Variants in PI4K2A observed in about 807,000 individuals in gnomAD.
PI4K2A encodes the protein phosphatidylinositol 4-kinase type 2-alpha.
In PI4K2A, 20 loss-of-function variants were observed where a neutral mutation model predicts 55.0. That is an observed-to-expected ratio of 0.36 (90% CI 0.26 to 0.53). The LOEUF (loss-of-function observed/expected upper bound fraction) is 0.53, where lower values mean the gene tolerates loss of function less well. Ranked by LOEUF, PI4K2A falls within the 20% of genes least tolerant of loss-of-function variation. The pLI is 0.91. For synonymous variants in PI4K2A, 235 were observed against 258.5 expected (o/e 0.91, Z 0.87); for missense variants, 463 against 637.1 (o/e 0.73, Z 2.94).
At chr10:97,675,058 C>T (rs2041655853) in exon 9 of PI4K2A, 2 of 152,878 alleles carry the variant, frequency 1.3e-5, no homozygotes, top group Non-Finnish European at 2.9e-5. Flanking sequence ...AGTACGGCCT[C>T]AGGAGGGAGT....
intron 8 of PI4K2A, among the ~76,000 whole-genome samples, chr10:97,669,330 G>C (rs752384789): frequency 3.3e-5 from 5 of 152,208 alleles, no homozygotes; most frequent in Non-Finnish European, 7.3e-5. Flanking sequence ...TCAGCATAAA[G>C]GAGTAAACTG....
intron 2 of PI4K2A, among the ~76,000 whole-genome samples, chr10:97,652,519 T>G (rs2041534424): frequency 6.6e-6 from 1 of 152,106 alleles, no homozygotes; most frequent in African/African-American, 2.4e-5. Context: ...CAGGCTGGTC[T>G]TGAACTCCTG....
intron 1 of PI4K2A, among the ~76,000 whole-genome samples, chr10:97,642,974 C>G (rs997535428): frequency 6.8e-6 from 1 of 147,716 alleles, no homozygotes; most frequent in Non-Finnish European, 1.5e-5. Context: ...TTCTTTCTTT[C>G]ATTCATTCTC....
intron 1 of PI4K2A, among the ~76,000 whole-genome samples, chr10:97,643,007 C>G (rs2135751305): frequency 6.7e-6 from 1 of 149,304 alleles, no homozygotes; most frequent in South Asian, 2.1e-4. Context: ...TTCTTTCTTT[C>G]AGAGAAGGTC....
chr10:97,641,230 T>A, intron 1 of PI4K2A, 53 bp downstream of exon 1: 1 of 1,335,282 alleles, frequency 7.5e-7, no homozygotes, highest in Non-Finnish European at 1.0e-6. Flanking sequence ...GCGGCGCTCC[T>A]GGGGAGTTGG....
chr10:97,670,397 C>G (rs1243670678), intron 8 of PI4K2A, among the ~76,000 whole-genome samples: 11 of 152,076 alleles, frequency 7.2e-5, no homozygotes, highest in Non-Finnish European at 1.5e-5. Context: ...CTTCTAGATT[C>G]TTCAGTTGTT....
intron 8 of PI4K2A, among the ~76,000 whole-genome samples, chr10:97,668,920 C>T (rs2041622635): frequency 6.6e-6 from 1 of 151,974 alleles, no homozygotes; most frequent in Admixed American, 6.6e-5. Context: ...GGCTGGAGTG[C>T]AGTGGTGCGA....
intron 1 of PI4K2A, among the ~76,000 whole-genome samples, chr10:97,646,905 G>C (rs2041507804): frequency 6.6e-6 from 1 of 151,960 alleles, no homozygotes; most frequent in African/African-American, 2.4e-5. Flanking sequence ...CTCCTGAGTA[G>C]CTGGTACTAC....
At chr10:97,655,306 G>A (rs2041547578) in intron 2 of PI4K2A, among the ~76,000 whole-genome samples, 1 of 148,760 alleles carries the variant, frequency 6.7e-6, no homozygotes, top group South Asian at 2.1e-4. Context: ...GGACTTGGAG[G>A]TTGCAGTGAG....
intron 8 of PI4K2A, among the ~76,000 whole-genome samples, chr10:97,669,535 G>T (rs2041625752): frequency 6.6e-6 from 1 of 152,118 alleles, no homozygotes; most frequent in African/African-American, 2.4e-5. Flanking sequence ...GGAGCTTTTG[G>T]TATCTTGTAA....
At position 97,665,000 on chromosome 10, in the gene PI4K2A, ATGG is replaced by A. The variant is rs1218307731; in HGVS notation, c.1084+21_1084+23del. 6.6e-7 allele frequency: 1 copy of A among 1,513,904 alleles called. No individual in the cohort carries two copies. Among genetic ancestry groups the A allele is most frequent in the South Asian group, 1.1e-5 (1 of 88,816 alleles). The allele number at this position is 1,513,904 out of a possible 1,614,324, so 93.8% of individuals were successfully genotyped here. A position where few individuals can be genotyped will look rare whatever the true frequency, so the allele number is the denominator to read the frequency against. ...TGGAGGGCATGTAAGTCTCCAGACA[ATGG>A]TGGTCTGGCTCTTCCCTTGCTCAGT... is the stretch of plus-strand genomic sequence containing the variant. On this transcript the variant is annotated intron_variant, in intron 6 of 8. Coordinates refer to ENST00000370631, the Ensembl canonical transcript of PI4K2A.
Position 97,642,876 on chromosome 10 carries a change from T to TTCCTTC in PI4K2A, c.435+1699_435+1700insTCCTTC, listed in dbSNP as rs2041483001. On this transcript the variant is annotated intron_variant, in intron 1 of 8. Coordinates refer to ENST00000370631, the Ensembl canonical transcript of PI4K2A. The stretch of plus-strand genomic sequence containing the variant: ...CTTTCTTTCTTTCTTTTTCTTTCTT[T>TTCCTTC]CTTTCTTTCTTCCTTCCTTCCTTCC... Among the ~76,000 whole-genome samples, 28 of 123,412 alleles carry TTCCTTC rather than the reference T, an allele frequency of 2.3e-4. 1 individual carries two copies. The highest frequency in any genetic ancestry group is 8.9e-4 in the East Asian group (4 of 4,480). The allele number at this position is 123,412 out of a possible 152,430, so 81.0% of individuals were successfully genotyped here.
chr10:97,642,946 CT>C (rs370328029), intron 1 of PI4K2A, among the ~76,000 whole-genome samples: 2 of 142,760 alleles, frequency 1.4e-5, no homozygotes, highest in Non-Finnish European at 3.0e-5. Context: ...TTCTTTCTTT[CT>C]CTTTCTTTCT....
rs1012411525 is a variant in PI4K2A, at chr10:97,656,721, A to G, written c.769-100A>G. On this transcript the variant is annotated intron_variant, in intron 3 of 8. Coordinates refer to ENST00000370631, the Ensembl canonical transcript of PI4K2A. This position sits in a 1 kb window ranked among gnomAD's most constrained non-coding sequence, Gnocchi z 4.5. ...TCTTGAAAAGTTTTCCTTCTCTGAT[A>G]CAAACTCCATAGGGCCTTAATGGGT... 3 of 1,087,202 alleles carry G rather than the reference A, an allele frequency of 2.8e-6. No homozygotes were observed. In the African/African-American group the frequency reaches 4.7e-5, roughly 17 times the overall value. 67.3% of individuals were successfully genotyped at this position (1,087,202 alleles called of 1,614,324 possible). A position where few individuals can be genotyped will look rare whatever the true frequency, so the allele number is the denominator to read the frequency against.
At chr10:97,648,728 T>C (rs2041517067) in intron 1 of PI4K2A, among the ~76,000 whole-genome samples, 1 of 152,198 alleles carries the variant, frequency 6.6e-6, no homozygotes, top group East Asian at 1.9e-4. Flanking sequence ...TACAGTGGAC[T>C]CGTCAGTCAT....
chr10:97,649,207 T>C (rs1305418908), intron 1 of PI4K2A, among the ~76,000 whole-genome samples: 1 of 151,768 alleles, frequency 6.6e-6, no homozygotes, highest in Non-Finnish European at 1.5e-5. Flanking sequence ...ACAAGGAGAG[T>C]CATATGATAT....
chr10:97,655,240 C>G (rs2041547155), intron 2 of PI4K2A, among the ~76,000 whole-genome samples: 1 of 151,696 alleles, frequency 6.6e-6, no homozygotes, highest in African/African-American at 2.4e-5. Flanking sequence ...AGTGGTGGCA[C>G]ACACCTGTAA....
At chr10:97,658,414 C>T (rs1156425143) in intron 4 of PI4K2A, among the ~76,000 whole-genome samples, 2 of 152,214 alleles carry the variant, frequency 1.3e-5, no homozygotes, top group Non-Finnish European at 2.9e-5. Flanking sequence ...GTATATACCA[C>T]ATTTTGTCTA....
rs771075297 is a variant in PI4K2A, at chr10:97,641,137, A to G, written c.395A>G (p.Gln132Arg). 15 of 1,606,998 alleles carry G rather than the reference A, an allele frequency of 9.3e-6. No homozygotes were observed. The East Asian group carries it at 3.1e-4, about 34-fold the overall frequency. The change falls in exon 1 of 9, where the codon CAG becomes CGG. Residue 132 changes from glutamine to arginine, a missense_variant. Around this residue, in one of 2 missense-constraint regions of PI4K2A, gnomAD observed 186 missense variants for 204.5 expected, o/e 0.91. Transcript: ENST00000370631. ...TGCATCTTTCCCGAGCGCATCTACC[A>G]GGGCTCCAGCGGAAGCTACTTCGTC...
Sources: allele counts gnomAD v4.1 joint callset (sites outside exome capture counted in the v4.1 genomes callset), GRCh38; gene constraint gnomAD v4.1.1; regional missense constraint gnomAD v4.1.1; non-coding constraint Gnocchi (gnomAD v3.1); transcripts MANE v1.5; gene names NCBI Gene and HGNC (gene_info 2026-07-23, HGNC 2026-07-21).